The following PSME4 variants were observed in gnomAD, a reference collection of about 807,000 sequenced individuals.
PSME4 encodes the protein proteasome activator complex subunit 4.
In PSME4, 89 loss-of-function variants were observed where a neutral mutation model predicts 253.9. The observed-to-expected ratio is 0.35, with a 90% CI of 0.30 to 0.42. The LOEUF (loss-of-function observed/expected upper bound fraction) is 0.42, where lower values mean the gene tolerates loss of function less well. Ranked by LOEUF, PSME4 falls within the 10% of genes least tolerant of loss-of-function variation. The probability of loss-of-function intolerance (pLI) is 1.00; values close to 1 mark genes in which losing one functional copy is unlikely to be tolerated. For synonymous variants in PSME4, 851 were observed against 759.2 expected (o/e 1.12, Z -1.99); for missense variants, 2,014 against 2,195.2 (o/e 0.92, Z 1.65).
intron 1 of PSME4, among the ~76,000 whole-genome samples, chr2:53,966,739 C>T (rs114552855): frequency 2.6e-3 from 389 of 152,152 alleles, no homozygotes; most frequent in Non-Finnish European, 4.8e-3. Flanking sequence ...GATGGAGTCT[C>T]GCTCTTTTGC....
intron 20 of PSME4, among the ~76,000 whole-genome samples, chr2:53,915,251 G>A (rs1484088668): frequency 2.0e-5 from 3 of 152,088 alleles, no homozygotes; most frequent in East Asian, 3.9e-4. Flanking sequence ...GACCAGCCTA[G>A]GCAACAAAGC....
At chr2:53,865,715 G>C (rs1217335356) in intron 46 of PSME4, 142 bp from the exon 47 acceptor site, 2 of 172,978 alleles carry the variant, frequency 1.2e-5, no homozygotes, top group African/African-American at 4.8e-5. Context: ...TAAGAATCCA[G>C]ATCAAGTTCT....
chr2:53,929,768 A>ACCT (rs1264497611), intron 10 of PSME4, among the ~76,000 whole-genome samples: 1 of 152,202 alleles, frequency 6.6e-6, no homozygotes, highest in African/African-American at 2.4e-5. Flanking sequence ...CTGTAATCCC[A>ACCT]GCACTTTGGG....
Position 53,892,955 on chromosome 2 carries a change from T to C in PSME4, c.4044A>G (p.Ile1348Met). The C allele has an allele frequency of 6.2e-7, 1 of 1,610,792 alleles. No individual in the cohort carries two copies. Among genetic ancestry groups the C allele is most frequent in the South Asian group, 1.1e-5 (1 of 90,348 alleles). Reference sequence around the variant, plus strand: ...GGAAGGCATCATCAAAATTCCTGAATATACCCTATAAAAACAAAGACTGTT... The same window carrying C: ...GGAAGGCATCATCAAAATTCCTGAACATACCCTATAAAAACAAAGACTGTT... ...NPRRFCLFKG[I>M]FRNFDDAFLP... Residue 1348 changes from isoleucine to methionine, a missense_variant, in exon 36 of 47, where the codon ATA becomes ATG. By Grantham distance (10) the Ile-to-Met change is conservative. This residue lies in a region of PSME4 where 989 missense variants were observed against 1,021.1 expected (regional missense o/e 0.97). Coordinates refer to ENST00000404125, the MANE Select transcript of PSME4 (RefSeq NM_014614.3).
At chr2:53,904,307 T>C (rs960880128) in intron 26 of PSME4, 151 bp from the exon 27 acceptor site, 36 of 792,938 alleles carry the variant, frequency 4.5e-5, no homozygotes, top group African/African-American at 5.2e-5. Context: ...AAGAAGTAAA[T>C]GATTATCTTT....
Position 53,927,502 on chromosome 2 carries a change from G to T in PSME4, c.1504-19C>A, listed in dbSNP as rs200219440. ...ATGTGATCTGTGGAAACATACAAAG[G>T]ATTTTCAACATTACATAATTCTAAT... On this transcript the variant is annotated intron_variant, in intron 11 of 46. Transcript: ENST00000404125. The T allele has an allele frequency of 3.1e-5, 46 of 1,477,490 alleles. No individual in the cohort carries two copies. The African/African-American group carries it at 5.7e-4, about 18-fold the overall frequency. 91.5% of individuals were successfully genotyped at this position (1,477,490 alleles called of 1,614,324 possible).
intron 41 of PSME4, among the ~76,000 whole-genome samples, chr2:53,885,462 C>T (rs781531969): frequency 5.9e-5 from 9 of 152,120 alleles, no homozygotes; most frequent in Non-Finnish European, 1.0e-4. Flanking sequence ...AACAATATTC[C>T]GTTAAATTTT....
intron 1 of PSME4, among the ~76,000 whole-genome samples, chr2:53,952,248 G>T (rs1294688312): frequency 6.6e-6 from 1 of 151,774 alleles, no homozygotes; most frequent in Non-Finnish European, 1.5e-5. Flanking sequence ...CCACCAGCCT[G>T]GCCAATATGG....
At chr2:53,936,231 T>G in intron 6 of PSME4, 70 bp from the exon 7 acceptor site, 2 of 1,586,882 alleles carry the variant, frequency 1.3e-6, no homozygotes, top group Non-Finnish European at 1.7e-6. Flanking sequence ...GTCACACCCC[T>G]CCTCCATTTG....
intron 3 of PSME4, among the ~76,000 whole-genome samples, chr2:53,943,756 C>A (rs113528203): frequency 6.7e-6 from 1 of 148,832 alleles, no homozygotes; most frequent in African/African-American, 2.5e-5. Flanking sequence ...GCAGAAGAAT[C>A]GCTTGAACTC....
intron 1 of PSME4, among the ~76,000 whole-genome samples, chr2:53,953,802 A>G (rs1423811789): frequency 6.6e-6 from 1 of 152,182 alleles, no homozygotes; most frequent in Non-Finnish European, 1.5e-5. Flanking sequence ...AATGATTACT[A>G]TTAGGTGTCC....
chr2:53,948,295 C>T (rs572683119), intron 3 of PSME4, 126 bp downstream of exon 3: 9 of 683,466 alleles, frequency 1.3e-5, no homozygotes, highest in Admixed American at 9.2e-5. Context: ...AGTCAAATTA[C>T]ACAGAAATAG....
At chr2:53,936,544 AT>A (rs1669124318) in intron 6 of PSME4, among the ~76,000 whole-genome samples, 1 of 152,162 alleles carries the variant, frequency 6.6e-6, no homozygotes, top group Non-Finnish European at 1.5e-5. Context: ...ACTCCTAAAT[AT>A]TGATAAAACC....
chr2:53,925,069 C>G (rs1483402215), intron 14 of PSME4, among the ~76,000 whole-genome samples: 1 of 152,180 alleles, frequency 6.6e-6, no homozygotes, highest in Non-Finnish European at 1.5e-5. Context: ...AGGCACAGCA[C>G]AACTCTCTTA....
At chr2:53,927,138 T>A (rs1490792780) in intron 12 of PSME4, among the ~76,000 whole-genome samples, 1 of 152,108 alleles carries the variant, frequency 6.6e-6, no homozygotes, top group African/African-American at 2.4e-5. Context: ...AACAAAACAT[T>A]GAAAAGTGAC....
chr2:53,970,727 C>G lies in PSME4; in HGVS notation c.58G>C (p.Glu20Gln). 1 of 1,547,624 alleles carries G rather than the reference C, an allele frequency of 6.5e-7. No homozygotes were observed. The highest frequency in any genetic ancestry group is 1.2e-5 in the South Asian group (1 of 83,920). Residue 20 changes from glutamate to glutamine, a missense_variant, in exon 1 of 47, where the codon GAG becomes CAG. This residue lies in a region of PSME4 where 615 missense variants were observed against 594.4 expected (regional missense o/e 1.03). Coordinates refer to ENST00000404125, the MANE Select transcript of PSME4 (RefSeq NM_014614.3). ...GEPPEPGGRPEPGPRGFVPQK... is the reference protein window; with the variant it reads ...GEPPEPGGRPQPGPRGFVPQK... ...GGGACGAAGCCCCGCGGGCCCGGCT[C>G]GGGACGCCCGCCCGGCTCCGGGGGC... is the stretch of plus-strand genomic sequence containing the variant.
At position 53,965,095 on chromosome 2, in the gene PSME4, A is replaced by G. The variant is rs185042832; in HGVS notation, c.242+5448T>C. Among the ~76,000 whole-genome samples the G allele has an allele frequency of 2.8e-4, 42 of 152,192 alleles. No homozygotes were observed. In the East Asian group the frequency reaches 6.5e-3, roughly 24 times the overall value. ...ATCAAAATTCTGTTTAAACACACACACACACAGACACACACACACACACAC... is the reference window on the plus strand; with the variant it reads ...ATCAAAATTCTGTTTAAACACACACGCACACAGACACACACACACACACAC... On this transcript the variant is annotated intron_variant, in intron 1 of 46. Transcript: ENST00000404125.
intron 27 of PSME4, among the ~76,000 whole-genome samples, chr2:53,903,589 T>G (rs1421099017): frequency 6.6e-6 from 1 of 152,200 alleles, no homozygotes; most frequent in Non-Finnish European, 1.5e-5. Flanking sequence ...TCTTCCTTCC[T>G]GTCTTAAGCC....
Position 53,970,890 on chromosome 2 carries a change from G to C in PSME4, c.-106C>G, listed in dbSNP as rs1485054438. On this transcript the variant is annotated 5_prime_UTR_variant, in exon 1 of 47. Transcript: ENST00000404125. The stretch of plus-strand genomic sequence containing the variant: ...CGTCTTCGTCGCCCTGCGGCCGCTG[G>C]CGGCCCGTCGCCCTCGGACCGATCG... 3.0e-6 allele frequency: 3 copies of C among 1,007,892 alleles called. No homozygotes were observed. Among genetic ancestry groups the C allele is most frequent in the Non-Finnish European group, 4.1e-6 (3 of 730,194 alleles). The allele number at this position is 1,007,892 out of a possible 1,614,324, so 62.4% of individuals were successfully genotyped here.
Sources: gnomAD v4.1 joint callset for allele counts (sites outside exome capture counted in the v4.1 genomes callset) on GRCh38, gnomAD v4.1.1 for gene constraint, gnomAD v4.1.1 regional missense constraint, MANE v1.5 for transcripts, NCBI Gene and HGNC (gene_info 2026-07-23, HGNC 2026-07-21) for gene names.